Variants in FCHSD2 observed in about 807,000 individuals in gnomAD.
The protein encoded by FCHSD2 is FCH and double SH3 domains 2.
FCHSD2 carries 38 observed loss-of-function variants against 108.1 expected under a neutral mutation model. The ratio of observed to expected loss-of-function variants is 0.35; its 90% confidence interval spans 0.27 to 0.46. The LOEUF is 0.46. Among genes scored for constraint, FCHSD2 ranks in the 20% least tolerant of loss-of-function variants. FCHSD2 has a pLI of 1.00. For missense variants in FCHSD2, 751 were observed against 897.8 expected (o/e 0.84, Z 2.09); for synonymous variants, 279 against 314.7 (o/e 0.89, Z 1.20).
At chr11:72,924,524 C>A (rs183692622) in intron 8 of FCHSD2, among the ~76,000 whole-genome samples, 1 of 151,524 alleles carries the variant, frequency 6.6e-6, no homozygotes, top group Non-Finnish European at 1.5e-5. Context: ...TCTCGTGATC[C>A]GCCCACCTTG....
intron 8 of FCHSD2, among the ~76,000 whole-genome samples, chr11:72,960,191 C>T (rs1856797412): frequency 6.6e-6 from 1 of 152,062 alleles, no homozygotes. Context: ...GCAGGCATGT[C>T]ACAAGGGAGC....
At chr11:73,091,310 G>A (rs1397522167) in intron 2 of FCHSD2, among the ~76,000 whole-genome samples, 5 of 151,872 alleles carry the variant, frequency 3.3e-5, no homozygotes, top group East Asian at 1.9e-4. Flanking sequence ...AGGCCAAGGC[G>A]GGCAGATCAC....
intron 3 of FCHSD2, among the ~76,000 whole-genome samples, chr11:73,081,340 A>G (rs1460464141): frequency 6.6e-6 from 1 of 152,094 alleles, no homozygotes; most frequent in Non-Finnish European, 1.5e-5. Flanking sequence ...AGGATGAGGT[A>G]GGAGAATTGC....
chr11:72,980,526 A>T (rs1362345063), intron 8 of FCHSD2, among the ~76,000 whole-genome samples: 2 of 152,100 alleles, frequency 1.3e-5, no homozygotes. Flanking sequence ...AAAGGATAAC[A>T]TGTATTAAAT....
At chr11:72,896,764 TAAAAA>T (rs58159831) in intron 10 of FCHSD2, among the ~76,000 whole-genome samples, 2 of 68,386 alleles carry the variant, frequency 2.9e-5, no homozygotes, top group African/African-American at 5.6e-5. Flanking sequence ...GGGAAAATAC[TAAAAA>T]AAAAAAAAAA....
At chr11:73,014,554 T>C (rs1565368445) in intron 4 of FCHSD2, among the ~76,000 whole-genome samples, 3 of 152,188 alleles carry the variant, frequency 2.0e-5, no homozygotes, top group South Asian at 4.1e-4. Flanking sequence ...CTTCTTATCA[T>C]ATATCCTTCA....
At chr11:73,106,277 T>C (rs1860339853) in intron 2 of FCHSD2, among the ~76,000 whole-genome samples, 1 of 151,526 alleles carries the variant, frequency 6.6e-6, no homozygotes, top group Non-Finnish European at 1.5e-5. Context: ...CATGGTGACA[T>C]AAACCTATAT....
intron 8 of FCHSD2, among the ~76,000 whole-genome samples, chr11:72,971,685 C>A (rs1395763635): frequency 6.6e-6 from 1 of 152,130 alleles, no homozygotes; most frequent in Non-Finnish European, 1.5e-5. Flanking sequence ...ACCTGAATGA[C>A]CCTGGAAGGA....
intron 8 of FCHSD2, among the ~76,000 whole-genome samples, chr11:72,939,916 C>A (rs554799226): frequency 6.6e-6 from 1 of 152,104 alleles, no homozygotes. Flanking sequence ...CCATGCCTGG[C>A]CTTGACGGCT....
chr11:72,989,360 C>T (rs1373713024), intron 5 of FCHSD2, among the ~76,000 whole-genome samples: 2 of 152,134 alleles, frequency 1.3e-5, no homozygotes, highest in Admixed American at 1.3e-4. Context: ...TGATGACTGA[C>T]GTTAAGGTAA....
intron 3 of FCHSD2, among the ~76,000 whole-genome samples, chr11:73,022,385 C>A (rs1177271737): frequency 1.3e-5 from 2 of 152,160 alleles, no homozygotes; most frequent in Non-Finnish European, 2.9e-5. Flanking sequence ...TACCAAAAAA[C>A]CTCATGGAAC....
In FCHSD2 at chr11:72,841,457, T is replaced by C. The variant is rs753359718; in HGVS notation, c.2053A>G (p.Asn685Asp). The change falls in exon 18 of 20, where the codon AAC becomes GAC. Residue 685 changes from asparagine (N) to aspartate (D), a missense_variant. Transcript: ENST00000409418. Reference sequence around the variant, plus strand: ...CCATGCCCAGGAGAACCCTTACCGTTTGCTGAAGGAGACCGGGGAAAGTAC... The same window carrying C: ...CCATGCCCAGGAGAACCCTTACCGTCTGCTGAAGGAGACCGGGGAAAGTAC... The part of the protein sequence containing the change: ...SLYFPRSPSA[N>D]EKSLHAESPG... The C allele has an allele frequency of 8.1e-6, 13 of 1,611,098 alleles. No individual in the cohort carries two copies. In the East Asian group the frequency reaches 2.9e-4, roughly 36 times the overall value.
intron 2 of FCHSD2, among the ~76,000 whole-genome samples, chr11:73,129,980 G>A (rs1302333265): frequency 6.7e-6 from 1 of 148,650 alleles, no homozygotes; most frequent in Non-Finnish European, 1.5e-5. Context: ...CCGGGTTCAC[G>A]TCATTCTCCT....
chr11:72,891,897 G>T (rs1467905962), intron 10 of FCHSD2, among the ~76,000 whole-genome samples: 2 of 152,138 alleles, frequency 1.3e-5, no homozygotes, highest in African/African-American at 4.8e-5. Context: ...TCCAGTAATG[G>T]TAACTGTTAA....
At chr11:72,992,739 C>T (rs1327027879) in intron 5 of FCHSD2, among the ~76,000 whole-genome samples, 3 of 152,234 alleles carry the variant, frequency 2.0e-5, no homozygotes, top group South Asian at 2.1e-4. Context: ...CTTCCTTACA[C>T]CTTATACAAA....
At chr11:72,844,999 A>G (rs1861080299) in intron 14 of FCHSD2, among the ~76,000 whole-genome samples, 1 of 152,218 alleles carries the variant, frequency 6.6e-6, no homozygotes, top group Non-Finnish European at 1.5e-5. Flanking sequence ...TGCCAGCAAA[A>G]GGCATTTTTG....
chr11:73,027,116 C>CAG (rs1435390506), intron 3 of FCHSD2, among the ~76,000 whole-genome samples: 8 of 152,074 alleles, frequency 5.3e-5, no homozygotes, highest in Admixed American at 3.9e-4. Flanking sequence ...GGGTAGCAGG[C>CAG]AGAGGTTGGA....
chr11:73,037,605 A>G (rs984804499), intron 3 of FCHSD2, among the ~76,000 whole-genome samples: 1 of 152,128 alleles, frequency 6.6e-6, no homozygotes, highest in Non-Finnish European at 1.5e-5. Flanking sequence ...AGATATTCTA[A>G]TCCCACTTAC....
At chr11:72,988,032 C>A (rs946793621) in intron 6 of FCHSD2, among the ~76,000 whole-genome samples, 1 of 152,176 alleles carries the variant, frequency 6.6e-6, no homozygotes, top group African/African-American at 2.4e-5. Flanking sequence ...CTTGATAAAC[C>A]GCGGAGCCCC....
Sources: allele counts gnomAD v4.1 joint callset (sites outside exome capture counted in the v4.1 genomes callset), GRCh38; gene constraint gnomAD v4.1.1; transcripts MANE v1.5; gene names NCBI Gene and HGNC (gene_info 2026-07-23, HGNC 2026-07-21).